Variants in CAMSAP2 observed in about 807,000 individuals in gnomAD.
CAMSAP2 encodes the protein calmodulin-regulated spectrin-associated protein 2.
In CAMSAP2, 26 loss-of-function variants were observed where a neutral mutation model predicts 146.1. The observed-to-expected ratio is 0.18, with a 90% CI of 0.13 to 0.25. CAMSAP2 has a LOEUF of 0.25. CAMSAP2 is among the 10% of genes least tolerant of loss of function. CAMSAP2 has a pLI of 1.00. For synonymous variants in CAMSAP2, 499 were observed against 596.6 expected (o/e 0.84, Z 2.38); for missense variants, 1,381 against 1,759.3 (o/e 0.78, Z 3.85).
At chr1:200,835,311 TG>T (rs1251852874) in intron 6 of CAMSAP2, among the ~76,000 whole-genome samples, 1 of 152,164 alleles carries the variant, frequency 6.6e-6, no homozygotes, top group Non-Finnish European at 1.5e-5. Flanking sequence ...AAATGTAAAA[TG>T]GCAAAATTTG....
intron 4 of CAMSAP2, 61 bp downstream of exon 4, chr1:200,815,705 T>C: frequency 1.2e-6 from 1 of 832,358 alleles, no homozygotes; most frequent in Non-Finnish European, 1.8e-6. Context: ...CACATATTTG[T>C]ATTATTTTGG....
At position 200,761,002 on chromosome 1, in the gene CAMSAP2, T is replaced by C; in HGVS notation, c.303T>C (p.Asp101=). 6.2e-7 allele frequency: 1 copy of C among 1,614,178 alleles called. No homozygotes were observed. Among genetic ancestry groups the C allele is most frequent in the Non-Finnish European group, 8.5e-7 (1 of 1,180,030 alleles). The change falls in exon 2 of 17, where the codon GAT becomes GAC. Residue 101 remains aspartate, a synonymous_variant. Coordinates refer to ENST00000358823, the MANE Select transcript of CAMSAP2 (RefSeq NM_203459.4). The part of the protein sequence containing the change: ...SDAAKPLLGH[D]AVIQALAQKG... ...CTGCAAAACCCCTTTTGGGCCATGA[T>C]GCTGTAATCCAGGCTTTAGCACAGA...
Position 200,758,761 on chromosome 1 carries a change from T to C in CAMSAP2, c.140-2078T>C, listed in dbSNP as rs779125678. ...CTGATTTTCATTTTTCTATTAATGATATCACTGTTTCCCTCATAACGTAGG... is the reference window on the plus strand; with the variant it reads ...CTGATTTTCATTTTTCTATTAATGACATCACTGTTTCCCTCATAACGTAGG... On this transcript the variant is annotated intron_variant, in intron 1 of 16. Coordinates refer to ENST00000358823, the MANE Select transcript of CAMSAP2 (RefSeq NM_203459.4). Among the ~76,000 whole-genome samples, 30 of 152,226 alleles carry C rather than the reference T, an allele frequency of 2.0e-4. 1 individual carries two copies. Among genetic ancestry groups the C allele is most frequent in the Non-Finnish European group, 4.3e-4 (29 of 68,028 alleles).
At chr1:200,749,664 ATACTT>A in intron 1 of CAMSAP2, among the ~76,000 whole-genome samples, 1 of 152,308 alleles carries the variant, frequency 6.6e-6, no homozygotes, top group Middle Eastern at 3.4e-3. Context: ...CTCCTTATCT[ATACTT>A]AAAATATCTT....
chr1:200,824,124 C>T (rs971730066), intron 4 of CAMSAP2, among the ~76,000 whole-genome samples: 2 of 152,032 alleles, frequency 1.3e-5, no homozygotes, highest in African/African-American at 4.8e-5. Context: ...CTTTCCTTGA[C>T]CTAAAATTAG....
chr1:200,785,042 G>C (rs1260315321), intron 2 of CAMSAP2, among the ~76,000 whole-genome samples: 1 of 152,130 alleles, frequency 6.6e-6, no homozygotes, highest in Non-Finnish European at 1.5e-5. Context: ...CATTTATCCT[G>C]TTAATAGGTG....
At chr1:200,751,577 G>A (rs1304384096) in intron 1 of CAMSAP2, among the ~76,000 whole-genome samples, 2 of 142,290 alleles carry the variant, frequency 1.4e-5, no homozygotes, top group African/African-American at 2.6e-5. Flanking sequence ...GCTACAATAT[G>A]AGGCTATGGT....
chr1:200,773,747 G>A (rs1665185343), intron 2 of CAMSAP2, among the ~76,000 whole-genome samples: 1 of 151,960 alleles, frequency 6.6e-6, no homozygotes, highest in South Asian at 2.1e-4. Flanking sequence ...GTGGCTTGGT[G>A]CGGTGGCTCA....
At chr1:200,817,044 A>ACG (rs1319391243) in intron 4 of CAMSAP2, among the ~76,000 whole-genome samples, 1 of 141,540 alleles carries the variant, frequency 7.1e-6, no homozygotes, top group African/African-American at 2.6e-5. Flanking sequence ...CCACATACAC[A>ACG]CGTGTATGTG....
intron 4 of CAMSAP2, among the ~76,000 whole-genome samples, chr1:200,823,238 G>A (rs1384884146): frequency 1.3e-5 from 2 of 152,068 alleles, no homozygotes; most frequent in Non-Finnish European, 2.9e-5. Flanking sequence ...TCTACTATCT[G>A]AATGAGCTTA....
chr1:200,779,538 G>T lies in CAMSAP2; in HGVS notation c.399+18440G>T, dbSNP rs1665375950. On this transcript the variant is annotated intron_variant, in intron 2 of 16. Coordinates refer to ENST00000358823, the MANE Select transcript of CAMSAP2 (RefSeq NM_203459.4). ...ATTTGGGAATCAGCTGAGAGTAGTG[G>T]TTATTGACGTCATGGAAATTGTGAT... 2.0e-5 allele frequency among the ~76,000 whole-genome samples: 3 copies of T among 152,158 alleles called. No individual in the cohort carries two copies. In the South Asian group the frequency reaches 6.2e-4, roughly 32 times the overall value.
At chr1:200,794,278 A>G (rs1360555564) in intron 2 of CAMSAP2, among the ~76,000 whole-genome samples, 1 of 152,206 alleles carries the variant, frequency 6.6e-6, no homozygotes, top group Non-Finnish European at 1.5e-5. Context: ...GAGCAGACCC[A>G]CTTTATACAC....
intron 2 of CAMSAP2, among the ~76,000 whole-genome samples, chr1:200,763,969 G>T (rs1353361446): frequency 6.6e-6 from 1 of 152,086 alleles, no homozygotes; most frequent in Non-Finnish European, 1.5e-5. Context: ...AGGTCGGGAG[G>T]CTGAGGCAGG....
At chr1:200,846,769 C>T (rs1558206608) in intron 8 of CAMSAP2, among the ~76,000 whole-genome samples, 1 of 152,186 alleles carries the variant, frequency 6.6e-6, no homozygotes, top group Non-Finnish European at 1.5e-5. Flanking sequence ...TCAGCAGCTA[C>T]TCCACACACT....
In CAMSAP2 at chr1:200,842,005, G is replaced by T. The variant is rs138884092; in HGVS notation, c.939G>T (p.Leu313Phe). Residue 313 changes from leucine to phenylalanine, a missense_variant, in exon 7 of 17, where the codon TTG (leucine) becomes TTT (phenylalanine). Leu to Phe is a conservative substitution (Grantham distance 22). Around this residue, in one of 4 missense-constraint regions of CAMSAP2, gnomAD observed 284 missense variants for 406.9 expected, o/e 0.70. Coordinates refer to ENST00000358823, the MANE Select transcript of CAMSAP2 (RefSeq NM_203459.4). ...YAASSIKSNY[L>F]VFMAELFWWF... Reference sequence around the variant, plus strand: ...AATTTCCTATATAGAGTAATTATTTGGTGTTCATGGCGGAACTGTTCTGGT... The same window carrying T: ...AATTTCCTATATAGAGTAATTATTTTGTGTTCATGGCGGAACTGTTCTGGT... The T allele has an allele frequency of 6.2e-6, 10 of 1,611,998 alleles. No homozygotes were observed. Among genetic ancestry groups the T allele is most frequent in the Non-Finnish European group, 8.5e-6 (10 of 1,178,210 alleles).
intron 2 of CAMSAP2, among the ~76,000 whole-genome samples, chr1:200,804,944 A>G (rs1252308471): frequency 6.6e-6 from 1 of 152,250 alleles, no homozygotes; most frequent in East Asian, 1.9e-4. Context: ...GAAAGAGCAC[A>G]CAGGTTTGGA....
At chr1:200,804,923 A>C (rs745624014) in intron 2 of CAMSAP2, among the ~76,000 whole-genome samples, 7 of 152,234 alleles carry the variant, frequency 4.6e-5, no homozygotes, top group African/African-American at 7.2e-5. Context: ...TGCCAACTGC[A>C]TGATATGGTA....
intron 2 of CAMSAP2, among the ~76,000 whole-genome samples, chr1:200,790,881 G>A (rs1665730963): frequency 6.6e-6 from 1 of 151,244 alleles, no homozygotes; most frequent in Non-Finnish European, 1.5e-5. Flanking sequence ...TTTTGCTCTT[G>A]TTGCCCAGGC....
In CAMSAP2 at chr1:200,857,836, G is replaced by T; in HGVS notation, c.4214G>T (p.Cys1405Phe). The change falls in exon 17 of 17, where the codon TGC becomes TTC. Residue 1405 changes from cysteine to phenylalanine, a missense_variant. By Grantham distance (205) the Cys-to-Phe change is radical. Transcript: ENST00000358823. This position sits in a 1 kb window ranked among gnomAD's most constrained non-coding sequence, Gnocchi z 4.7. Reference sequence around the variant, plus strand: ...CAGTTCAGATCTTTATACACTTATTGCCCAGAAACTGAAGAAATCAATAAA... The same window carrying T: ...CAGTTCAGATCTTTATACACTTATTTCCCAGAAACTGAAGAAATCAATAAA... Reference protein sequence around the residue: ...GCQFRSLYTYCPETEEINKLT... With the variant: ...GCQFRSLYTYFPETEEINKLT... 6.2e-7 allele frequency: 1 copy of T among 1,613,618 alleles called. No individual in the cohort carries two copies. The highest frequency in any genetic ancestry group is 8.5e-7 in the Non-Finnish European group (1 of 1,179,738).
Sources: allele counts gnomAD v4.1 joint callset (sites outside exome capture counted in the v4.1 genomes callset), GRCh38; gene constraint gnomAD v4.1.1; regional missense constraint gnomAD v4.1.1; non-coding constraint Gnocchi (gnomAD v3.1); transcripts MANE v1.5; gene names NCBI Gene and HGNC (gene_info 2026-07-23, HGNC 2026-07-21).